The following TMC1 variants were observed in gnomAD, a reference collection of about 807,000 sequenced individuals.
The protein encoded by TMC1 is transmembrane channel like 1.
A neutral mutation model predicts 105.8 loss-of-function variants in TMC1; 84 were observed. The observed-to-expected ratio is 0.79, with a 90% CI of 0.67 to 0.95. The LOEUF (loss-of-function observed/expected upper bound fraction) is 0.95, where lower values mean the gene tolerates loss of function less well. TMC1 is among the 40% of genes least tolerant of loss of function. The pLI is 0.00. For missense variants in TMC1, 817 were observed against 914.1 expected, an observed-to-expected ratio of 0.89 and a Z score of 1.37; for synonymous variants, 315 against 311.5, an observed-to-expected ratio of 1.01 and a Z score of -0.12.
chr9:72,623,355 C>G (rs1825291297), intron 3 of TMC1, among the ~76,000 whole-genome samples: 1 of 152,030 alleles, frequency 6.6e-6, no homozygotes, highest in Admixed American at 6.6e-5. Context: ...AACCCTAGCT[C>G]CTCAAGGAAA....
chr9:72,811,931 C>A (rs1360082355), intron 18 of TMC1, among the ~76,000 whole-genome samples: 1 of 152,170 alleles, frequency 6.6e-6, no homozygotes, highest in Non-Finnish European at 1.5e-5. Context: ...ACCAGCAATG[C>A]TGTGAGGTGG....
At chr9:72,609,120 C>A (rs1824977700) in intron 2 of TMC1, among the ~76,000 whole-genome samples, 1 of 151,974 alleles carries the variant, frequency 6.6e-6, no homozygotes, top group South Asian at 2.1e-4. Context: ...CCCTCTCTTC[C>A]TACCTCCCTT....
chr9:72,522,294 G>T (rs887753713), intron 1 of TMC1, among the ~76,000 whole-genome samples: 15 of 152,184 alleles, frequency 9.9e-5, no homozygotes, highest in Admixed American at 8.5e-4. Flanking sequence ...GTAGAGACGG[G>T]GTTTCGCCGT....
chr9:72,573,200 T>C (rs190406789), intron 1 of TMC1, among the ~76,000 whole-genome samples: 1 of 152,310 alleles, frequency 6.6e-6, no homozygotes, highest in Admixed American at 6.5e-5. Context: ...CATCAAACTC[T>C]TCTTTCTCTC....
At chr9:72,546,851 A>G (rs1257320084) in intron 1 of TMC1, among the ~76,000 whole-genome samples, 3 of 152,204 alleles carry the variant, frequency 2.0e-5, no homozygotes, top group African/African-American at 4.8e-5. Flanking sequence ...TTTAGATAGC[A>G]TAATACTTCA....
chr9:72,719,287 G>A (rs1367140936), intron 8 of TMC1, among the ~76,000 whole-genome samples: 2 of 152,102 alleles, frequency 1.3e-5, no homozygotes, highest in Non-Finnish European at 2.9e-5. Context: ...AGTTCCTCTG[G>A]CAGCCCTCCT....
intron 12 of TMC1, among the ~76,000 whole-genome samples, chr9:72,767,910 G>A (rs1223170642): frequency 6.6e-6 from 1 of 152,226 alleles, no homozygotes; most frequent in African/African-American, 2.4e-5. Context: ...GGAAAGATGA[G>A]TGGAGTGTGG....
chr9:72,719,142 C>T (rs771778289), intron 8 of TMC1, among the ~76,000 whole-genome samples: 10 of 152,162 alleles, frequency 6.6e-5, no homozygotes, highest in South Asian at 2.1e-4. Flanking sequence ...AGAAAGCAAG[C>T]GGGGCTTTTG....
intron 12 of TMC1, among the ~76,000 whole-genome samples, chr9:72,763,433 T>G (rs531683431): frequency 6.6e-6 from 1 of 152,296 alleles, no homozygotes; most frequent in South Asian, 2.1e-4. Context: ...TGCCAAGTGC[T>G]ATGAAGGAAA....
intron 4 of TMC1, among the ~76,000 whole-genome samples, chr9:72,637,335 C>A (rs1258580516): frequency 6.6e-6 from 1 of 151,686 alleles, no homozygotes; most frequent in African/African-American, 2.4e-5. Flanking sequence ...CAAAACTCTC[C>A]TACTCTATAC....
At chr9:72,540,915 A>G (rs1823663913) in intron 1 of TMC1, among the ~76,000 whole-genome samples, 1 of 152,258 alleles carries the variant, frequency 6.6e-6, no homozygotes, top group African/African-American at 2.4e-5. Context: ...GTGAAGCTTC[A>G]GTGAGTTAAT....
chr9:72,670,282 C>A (rs1479708129), intron 5 of TMC1, among the ~76,000 whole-genome samples: 1 of 152,226 alleles, frequency 6.6e-6, no homozygotes, highest in East Asian at 1.9e-4. Flanking sequence ...CCATGAAATT[C>A]ATGGGACATT....
At chr9:72,547,359 A>T (rs76127287) in intron 1 of TMC1, among the ~76,000 whole-genome samples, 7,533 of 152,116 alleles carry the variant, frequency 0.05, 301 homozygotes, top group African/African-American at 0.11. Flanking sequence ...CCCTAAAAAA[A>T]AATCATACAT....
Position 72,701,697 on chromosome 9 carries a change from A to G in TMC1, c.362+1054A>G, listed in dbSNP as rs189749196. ...TTGGTTCTGCAAGAGCTTGTGTGCTATTTAAAGGTATCGCTTAATCTCCTG... is the reference window on the plus strand; with the variant it reads ...TTGGTTCTGCAAGAGCTTGTGTGCTGTTTAAAGGTATCGCTTAATCTCCTG... On this transcript the variant is annotated intron_variant, in intron 8 of 23. Transcript: ENST00000297784. Among the ~76,000 whole-genome samples the G allele has an allele frequency of 2.0e-5, 3 of 152,216 alleles. No individual in the cohort carries two copies. The East Asian group carries it at 5.8e-4, about 29-fold the overall frequency.
chr9:72,648,655 C>T lies in TMC1; in HGVS notation c.7C>T (p.Pro3Ser). The T allele has an allele frequency of 6.2e-7, 1 of 1,613,086 alleles. No individual in the cohort carries two copies. Among genetic ancestry groups the T allele is most frequent in the Middle Eastern group, 1.7e-4 (1 of 6,054 alleles). The stretch of plus-strand genomic sequence containing the variant: ...CTGACAGGACACCCCCAGGATGTCA[C>T]CCAAAAAAGGTATTTACAAAATCAA... MSPKKVQIKVEEK... is the reference protein window; with the variant it reads MSSKKVQIKVEEK... Residue 3 changes from proline (P) to serine (S), a missense_variant, in exon 5 of 24, where the codon CCC becomes TCC. By Grantham distance (74) the Pro-to-Ser change is moderately conservative (BLOSUM62 -1). Coordinates refer to ENST00000297784, the MANE Select transcript of TMC1 (RefSeq NM_138691.3).
chr9:72,708,842 G>A (rs1009419415), intron 8 of TMC1, among the ~76,000 whole-genome samples: 1 of 152,042 alleles, frequency 6.6e-6, no homozygotes, highest in Non-Finnish European at 1.5e-5. Flanking sequence ...GTTCTCAGAG[G>A]GAATGCTTTC....
chr9:72,755,674 C>T (rs779581225), intron 12 of TMC1, among the ~76,000 whole-genome samples: 128 of 151,896 alleles, frequency 8.4e-4, no homozygotes, highest in Non-Finnish European at 9.9e-4. Context: ...GAAGCATATG[C>T]GTGGGAAAGT....
chr9:72,657,808 A>G (rs1825907009), intron 5 of TMC1, among the ~76,000 whole-genome samples: 1 of 152,228 alleles, frequency 6.6e-6, no homozygotes, highest in Non-Finnish European at 1.5e-5. Flanking sequence ...AAATTGTCCT[A>G]GACAATGAAA....
intron 11 of TMC1, among the ~76,000 whole-genome samples, chr9:72,754,168 C>A (rs1031496532): frequency 5.9e-5 from 9 of 152,116 alleles, no homozygotes; most frequent in Non-Finnish European, 1.5e-5. Context: ...TGACCCTATT[C>A]TTGCCCTCTC....
Sources: gnomAD v4.1 joint callset for allele counts (sites outside exome capture counted in the v4.1 genomes callset) on GRCh38, gnomAD v4.1.1 for gene constraint, MANE v1.5 for transcripts, NCBI Gene and HGNC (gene_info 2026-07-23, HGNC 2026-07-21) for gene names.